The following KLRG1 variants were observed in gnomAD, a reference collection of about 807,000 sequenced individuals.
KLRG1 encodes the protein killer cell lectin-like receptor subfamily G member 1.
Under a neutral mutation model 21.8 loss-of-function variants are expected in KLRG1, and 16 were observed. The observed-to-expected ratio is 0.73, with a 90% confidence interval of 0.50 to 1.11. The LOEUF is 1.11. Ranked by LOEUF, KLRG1 falls within the 50% of genes most tolerant of loss-of-function variation. The pLI is 0.00. For synonymous variants in KLRG1, 69 were observed against 75.9 expected (o/e 0.91, Z 0.47); for missense variants, 173 against 218.3 (o/e 0.79, Z 1.31).
At chr12:8,987,395 T>A (rs1405853527), upstream of KLRG1, 1 of 152,202 alleles carries the variant, frequency 6.6e-6, no homozygotes, top group African/African-American at 2.4e-5. Context: ...AAAAGCCACT[T>A]GAGGATATAG....
At chr12:9,176,288 G>A in the KLRG1 span, among the ~76,000 whole-genome samples, 123 of 152,162 alleles carry the variant, frequency 8.1e-4, no homozygotes, top group Middle Eastern at 6.8e-3. Context: ...CACTCACTCC[G>A]GCCTATTAGA....
chr12:9,158,685 C>T, the KLRG1 span: 301,663 of 1,064,158 alleles, frequency 0.28, 46,105 homozygotes, highest in Admixed American at 0.32. Flanking sequence ...GAAAGTCAAT[C>T]AGCTGTTACT....
rs111452183 is a variant in KLRG1, at chr12:8,979,711, T to C, written c.-155-12495T>C. Among the ~76,000 whole-genome samples, 765 of 152,294 alleles carry C rather than the reference T, an allele frequency of 5.0e-3. 13 individuals are homozygous for C. Among genetic ancestry groups the C allele is most frequent in the African/African-American group, 0.017 (697 of 41,550 alleles). On this transcript the variant is annotated intron_variant, in intron 1 of 4. Coordinates refer to the KLRG1 transcript ENST00000539240. ...TATAATGTGTATATTGGCTTGCACA[T>C]TCATGTCTCCCAAATCCTGGAGGTT...
At chr12:9,181,120 A>G in the KLRG1 span, 1 of 1,614,096 alleles carries the variant, frequency 6.2e-7, no homozygotes, top group Admixed American at 1.7e-5. Context: ...GCTGGGCTGA[A>G]GCTCAAATCC....
chr12:8,999,504 C>T (rs1003033796), intron 3 of KLRG1, among the ~76,000 whole-genome samples: 1 of 152,198 alleles, frequency 6.6e-6, no homozygotes, highest in African/African-American at 2.4e-5. Flanking sequence ...GTCGGCTTCT[C>T]ACATATTTAG....
At chr12:9,101,118 A>G in the KLRG1 span, 38 of 1,552,476 alleles carry the variant, frequency 2.4e-5, no homozygotes, top group Non-Finnish European at 3.1e-5. Context: ...ATGGGGCAGC[A>G]ATGCAGAGAT....
At chr12:9,130,062 A>G in the KLRG1 span, among the ~76,000 whole-genome samples, 1 of 152,210 alleles carries the variant, frequency 6.6e-6, no homozygotes, top group Admixed American at 6.5e-5. Context: ...AGGTGAAATA[A>G]TACAGTATTT....
the KLRG1 span, chr12:9,109,995 T>G: frequency 6.2e-7 from 1 of 1,613,670 alleles, no homozygotes; most frequent in Non-Finnish European, 8.5e-7. Context: ...ACCCTCTAAC[T>G]GGAAACTCTG....
the KLRG1 span, among the ~76,000 whole-genome samples, chr12:9,096,432 A>G: frequency 2.9e-3 from 439 of 152,360 alleles, 2 homozygotes; most frequent in African/African-American, 0.01. Context: ...CTCAGTATAT[A>G]GCAAAGTTAA....
the KLRG1 span, among the ~76,000 whole-genome samples, chr12:9,043,876 T>C: frequency 6.6e-6 from 1 of 152,224 alleles, no homozygotes; most frequent in African/African-American, 2.4e-5. Flanking sequence ...AGCTACTCTG[T>C]TGGAGAGACC....
chr12:9,051,090 C>G, the KLRG1 span, among the ~76,000 whole-genome samples: 1 of 152,232 alleles, frequency 6.6e-6, no homozygotes, highest in African/African-American at 2.4e-5. Context: ...TTCCTGCCCA[C>G]CCATGGTGCC....
the KLRG1 span, chr12:9,077,655 C>G: frequency 2.7e-5 from 43 of 1,601,540 alleles, no homozygotes. Flanking sequence ...CTCATCCTTG[C>G]AGATATCATA....
At chr12:9,197,595 T>C in the KLRG1 span, among the ~76,000 whole-genome samples, 1 of 76,452 alleles carries the variant, frequency 1.3e-5, no homozygotes, top group Non-Finnish European at 2.4e-5. Flanking sequence ...ATATAATATA[T>C]AAATATAATA....
chr12:8,981,394 C>T (rs749524248), intron 1 of KLRG1, among the ~76,000 whole-genome samples: 20 of 151,938 alleles, frequency 1.3e-4, no homozygotes, highest in Admixed American at 1.3e-3. Flanking sequence ...TCATTTAAAA[C>T]TACAGTATTT....
At chr12:9,165,032 C>T in the KLRG1 span, 3 of 1,362,546 alleles carry the variant, frequency 2.2e-6, no homozygotes, top group Admixed American at 1.8e-5. Flanking sequence ...AGTGCTAACA[C>T]ACAATCCCTT....
chr12:9,074,928 A>G, the KLRG1 span: 1 of 942,778 alleles, frequency 1.1e-6, no homozygotes, highest in African/African-American at 1.7e-5. Context: ...CCTTCATGTA[A>G]ATCTGAATTT....
chr12:9,064,026 T>A, the KLRG1 span, among the ~76,000 whole-genome samples: 1 of 152,330 alleles, frequency 6.6e-6, no homozygotes, highest in South Asian at 2.1e-4. The surrounding 1 kb of genome is among the most constrained non-coding windows in gnomAD (Gnocchi z 4.0). Flanking sequence ...ATACTCTGAT[T>A]TCTTTTATGT....
At chr12:9,074,658 G>C in the KLRG1 span, 1 of 1,614,010 alleles carries the variant, frequency 6.2e-7, no homozygotes, top group East Asian at 2.2e-5. Context: ...GGGGCTGGCT[G>C]GGCCGTGAGA....
chr12:9,183,159 A>AGAC, the KLRG1 span, among the ~76,000 whole-genome samples: 1 of 152,192 alleles, frequency 6.6e-6, no homozygotes. Context: ...CCTTAGGAAT[A>AGAC]TTTTACAAAG....
Sources: allele counts gnomAD v4.1 joint callset (sites outside exome capture counted in the v4.1 genomes callset), GRCh38; gene constraint gnomAD v4.1.1; non-coding constraint Gnocchi (gnomAD v3.1); transcripts MANE v1.5; gene names NCBI Gene and HGNC (gene_info 2026-07-23, HGNC 2026-07-21).